ARHGEF10L: variants seen among roughly 807,000 people sequenced by gnomAD.
ARHGEF10L encodes Rho guanine nucleotide exchange factor 10 like.
Under a neutral mutation model 141.2 loss-of-function variants are expected in ARHGEF10L, and 69 were observed. The ratio of observed to expected loss-of-function variants is 0.49; its 90% CI spans 0.40 to 0.60. The LOEUF is 0.60. Among genes scored for constraint, ARHGEF10L ranks in the 20% least tolerant of loss-of-function variants. The pLI is 0.00. For missense variants in ARHGEF10L, 1,482 were observed against 1,734.3 expected (o/e 0.85, Z 2.58); for synonymous variants, 711 against 718.5 (o/e 0.99, Z 0.17).
chr1:17,635,868 A>G (rs901314121), intron 18 of ARHGEF10L, among the ~76,000 whole-genome samples: 7 of 152,130 alleles, frequency 4.6e-5, no homozygotes, highest in African/African-American at 1.7e-4. Context: ...TGGGTGAGAA[A>G]GGCACTGGGG....
chr1:17,569,427 A>T (rs1013629101), intron 1 of ARHGEF10L, among the ~76,000 whole-genome samples: 3 of 152,104 alleles, frequency 2.0e-5, no homozygotes, highest in African/African-American at 7.2e-5. Flanking sequence ...CTGGGCTTGC[A>T]TTTCAGGAGA....
intron 9 of ARHGEF10L, chr1:17,618,194 T>C (rs946748911): frequency 1.1e-4 from 90 of 825,148 alleles, no homozygotes; most frequent in Non-Finnish European, 1.5e-4. Flanking sequence ...CCAGGCCAGC[T>C]GGCTGGGAAC....
At chr1:17,584,868 C>A (rs1374917085) in intron 2 of ARHGEF10L, among the ~76,000 whole-genome samples, 2 of 152,126 alleles carry the variant, frequency 1.3e-5, no homozygotes, top group Admixed American at 1.3e-4. Context: ...CACACACACA[C>A]ACACACACAC....
chr1:17,638,549 T>A lies in ARHGEF10L; in HGVS notation c.2044-13T>A. 2 of 1,614,156 alleles carry A rather than the reference T, an allele frequency of 1.2e-6. No homozygotes were observed. The highest frequency in any genetic ancestry group is 1.7e-6 in the Non-Finnish European group (2 of 1,179,992). On this transcript the variant is annotated splice_polypyrimidine_tract_variant and intron_variant, in intron 19 of 28. Transcript: ENST00000361221. ...GTGCTGTGTGGTGACCTCATTGGCC[T>A]CCTGAACCCTAGAACCTGAACATGA...
the ARHGEF10L span, among the ~76,000 whole-genome samples, chr1:17,520,389 T>C: frequency 2.0e-5 from 3 of 152,240 alleles, no homozygotes; most frequent in Non-Finnish European, 2.9e-5. Context: ...CCCTTCCCAG[T>C]AGAAGGGGGC....
intron 1 of ARHGEF10L, among the ~76,000 whole-genome samples, chr1:17,556,004 C>T (rs940338115): frequency 1.3e-5 from 2 of 150,824 alleles, no homozygotes; most frequent in African/African-American, 2.4e-5. Flanking sequence ...AAGAGGATGG[C>T]GAGGGAGAAG....
rs764680622 is a variant in ARHGEF10L, at chr1:17,697,162, G to A, written c.3622G>A (p.Gly1208Ser). 1.2e-5 allele frequency: 20 copies of A among 1,611,882 alleles called. No homozygotes were observed. Among genetic ancestry groups the A allele is most frequent in the East Asian group, 2.2e-5 (1 of 44,880 alleles). The change falls in exon 29 of 29, where the codon GGC becomes AGC. Residue 1208 changes from glycine (G) to serine (S), a missense_variant. This residue lies in a region of ARHGEF10L where 858 missense variants were observed against 966.3 expected (regional missense o/e 0.89). Transcript: ENST00000361221. The surrounding 1 kb of genome is among the most constrained non-coding windows in gnomAD (Gnocchi z 4.8). ...GAALEHSEED[G>S]SIYEMADDPD... The stretch of plus-strand genomic sequence containing the variant: ...AGCTTTGGAGCACAGCGAGGAGGAC[G>A]GCTCCATTTACGAGATGGCCGACGA...
chr1:17,590,577 C>G (rs1445871112), intron 4 of ARHGEF10L, among the ~76,000 whole-genome samples: 2 of 152,148 alleles, frequency 1.3e-5, no homozygotes, highest in African/African-American at 2.4e-5. Flanking sequence ...TGTTTGCTGC[C>G]AAACCTCATG....
chr1:17,678,793 C>T (rs1181643227), intron 26 of ARHGEF10L, among the ~76,000 whole-genome samples: 1 of 152,186 alleles, frequency 6.6e-6, no homozygotes, highest in African/African-American at 2.4e-5. Context: ...TCTGCAGTGG[C>T]ACTTTCTGTA....
chr1:17,566,093 C>G (rs1278230808), intron 1 of ARHGEF10L, among the ~76,000 whole-genome samples: 1 of 152,208 alleles, frequency 6.6e-6, no homozygotes, highest in Non-Finnish European at 1.5e-5. Flanking sequence ...GTAATGGTGA[C>G]ACAACCCTGC....
At chr1:17,695,012 C>A (rs533972174) in intron 27 of ARHGEF10L, 146 bp from the exon 28 acceptor site, 3 of 1,211,592 alleles carry the variant, frequency 2.5e-6, no homozygotes, top group Non-Finnish European at 3.6e-6. Context: ...GCCTCCAAAG[C>A]CCCAGCTCTT....
chr1:17,597,866 A>T (rs2080268265), intron 4 of ARHGEF10L, among the ~76,000 whole-genome samples: 1 of 152,124 alleles, frequency 6.6e-6, no homozygotes, highest in Admixed American at 6.5e-5. Context: ...AGGTGTTTCC[A>T]AATCCCTCCT....
chr1:17,655,437 G>GTCCA (rs55790600), intron 23 of ARHGEF10L, among the ~76,000 whole-genome samples: 2,857 of 148,576 alleles, frequency 0.019, 55 homozygotes, highest in East Asian at 0.098. Context: ...TCTATCATCT[G>GTCCA]TCCATCCATC....
At chr1:17,616,637 T>A (rs577690491) in intron 9 of ARHGEF10L, among the ~76,000 whole-genome samples, 8 of 152,302 alleles carry the variant, frequency 5.3e-5, no homozygotes, top group South Asian at 2.1e-4. Context: ...GATGCATGTA[T>A]CAGCAGTGCC....
chr1:17,575,225 C>A (rs2078173175), intron 1 of ARHGEF10L, among the ~76,000 whole-genome samples: 1 of 152,192 alleles, frequency 6.6e-6, no homozygotes, highest in Non-Finnish European at 1.5e-5. Flanking sequence ...ATGTACCTGT[C>A]CCAGCACCAC....
chr1:17,527,184 G>A, the ARHGEF10L span, among the ~76,000 whole-genome samples: 17 of 152,320 alleles, frequency 1.1e-4, no homozygotes, highest in African/African-American at 3.8e-4. Context: ...GAAACCCTGG[G>A]CTCTGATCAG....
At chr1:17,626,758 C>G (rs920341170) in intron 14 of ARHGEF10L, among the ~76,000 whole-genome samples, 5 of 152,252 alleles carry the variant, frequency 3.3e-5, no homozygotes, top group African/African-American at 1.2e-4. Context: ...CATTCAACAA[C>G]TCCCGATTCT....
chr1:17,626,186 C>A, intron 14 of ARHGEF10L, 138 bp downstream of exon 14: 1 of 649,816 alleles, frequency 1.5e-6, no homozygotes, highest in Admixed American at 3.0e-5. Flanking sequence ...GGACTCTGGC[C>A]TCATCTTTCT....
chr1:17,534,548 A>G, the ARHGEF10L span, among the ~76,000 whole-genome samples: 439 of 150,522 alleles, frequency 2.9e-3, 5 homozygotes, highest in African/African-American at 0.01. Flanking sequence ...GGCATGAGTC[A>G]TGGTGCCTGG....
Sources: allele counts gnomAD v4.1 joint callset (sites outside exome capture counted in the v4.1 genomes callset), GRCh38; gene constraint gnomAD v4.1.1; regional missense constraint gnomAD v4.1.1; non-coding constraint Gnocchi (gnomAD v3.1); transcripts MANE v1.5; gene names NCBI Gene and HGNC (gene_info 2026-07-23, HGNC 2026-07-21).